Variants in CIDEB observed in about 807,000 individuals in gnomAD.
The protein encoded by CIDEB is lipid transferase CIDEB.
CIDEB carries 27 observed loss-of-function variants against 22.4 expected under a neutral mutation model. The ratio of observed to expected loss-of-function variants is 1.21; its 90% CI spans 0.89 to 1.66. The LOEUF is 1.66. Ranked by LOEUF, CIDEB falls within the 40% of genes most tolerant of loss-of-function variation. The probability of loss-of-function intolerance (pLI) is 0.00; values close to 1 mark genes in which losing one functional copy is unlikely to be tolerated. For missense variants in CIDEB, 289 were observed against 268.7 expected, an observed-to-expected ratio of 1.08 and a Z score of -0.53; for synonymous variants, 103 against 109.5, an observed-to-expected ratio of 0.94 and a Z score of 0.37.
chr14:24,305,417 G>C lies in CIDEB; in HGVS notation c.*216C>G. The C allele has an allele frequency of 3.2e-6, 2 of 622,140 alleles. No homozygotes were observed. The highest frequency in any genetic ancestry group is 5.2e-6 in the Non-Finnish European group (2 of 381,042). 38.5% of individuals were successfully genotyped at this position (622,140 alleles called of 1,614,324 possible). A position where few individuals can be genotyped will look rare whatever the true frequency, so the allele number is the denominator to read the frequency against. ...TTCAGGGCAAGTGGGAGGCCAGAAA[G>C]GTGGCTAGGAAAGAACAGCATTCTT... On this transcript the variant is annotated 3_prime_UTR_variant, in exon 5 of 5. Transcript: ENST00000554411.
chr14:24,310,485 T>G, upstream of CIDEB: 1 of 725,164 alleles, frequency 1.4e-6, no homozygotes, highest in Non-Finnish European at 2.5e-6. Flanking sequence ...CAAGAAGGAG[T>G]TGTGTTTGAG....
Position 24,307,412 on chromosome 14 carries a change from TC to T in CIDEB, c.144del (p.Gly50AlafsTer2). The T allele has an allele frequency of 1.2e-6, 2 of 1,614,016 alleles. No individual in the cohort carries two copies. Among genetic ancestry groups the T allele is most frequent in the Non-Finnish European group, 1.7e-6 (2 of 1,179,950 alleles). On this transcript the variant is annotated frameshift_variant, in exon 2 of 5. Coordinates refer to ENST00000554411, the MANE Select transcript of CIDEB (RefSeq NM_001393339.1). LOFTEE classifies it high-confidence loss of function. ...FRVCDHKRTI[R>X]KGLTAATRQE... ...TGGCGGGTGGCAGCTGTCAGGCCTT[TC>T]CGGATGGTCCGCTTGTGATCACAGA...
chr14:24,310,977 A>C, upstream of CIDEB: 3 of 1,591,024 alleles, frequency 1.9e-6, no homozygotes, highest in Non-Finnish European at 2.5e-6. Flanking sequence ...CGCGCTCAGC[A>C]TGTACGCCAG....
intron 2 of CIDEB, chr14:24,307,157 A>G (rs2041536135): frequency 6.5e-6 from 3 of 464,464 alleles, no homozygotes; most frequent in Admixed American, 3.8e-5. Context: ...AACTCTCCCT[A>G]TCTCCTGCTA....
chr14:24,311,284 G>A (rs1271722392), upstream of CIDEB: 3 of 1,590,422 alleles, frequency 1.9e-6, no homozygotes, highest in Non-Finnish European at 2.6e-6. Flanking sequence ...ACGCTGGCAC[G>A]GCTGCGGGGC....
chr14:24,305,972 C>T lies in CIDEB; in HGVS notation c.502G>A (p.Gly168Arg). 1.2e-6 allele frequency: 2 copies of T among 1,613,954 alleles called. No individual in the cohort carries two copies. Among genetic ancestry groups the T allele is most frequent in the Non-Finnish European group, 1.7e-6 (2 of 1,179,908 alleles). ...GLYSMSCDFQ[G>R]LGPKKVLREL... ...CTGAGTACTTTCTTTGGGCCAAGTCCTTGAAAGTCACAACTCATAGAGTAG... is the reference window on the plus strand; with the variant it reads ...CTGAGTACTTTCTTTGGGCCAAGTCTTTGAAAGTCACAACTCATAGAGTAG... Residue 168 changes from glycine (G) to arginine (R), a missense_variant, in exon 4 of 5, where the codon GGA (glycine) becomes AGA (arginine). Coordinates refer to ENST00000554411, the MANE Select transcript of CIDEB (RefSeq NM_001393339.1).
At chr14:24,310,683 C>G (rs749291109), upstream of CIDEB, 16 of 1,613,836 alleles carry the variant, frequency 9.9e-6, no homozygotes, top group Middle Eastern at 1.6e-4. Flanking sequence ...CTGCTACCGT[C>G]CCCCAGGGAA....
upstream of CIDEB, chr14:24,309,555 CT>C (rs1190349104): frequency 6.6e-6 from 1 of 152,198 alleles, no homozygotes; most frequent in South Asian, 2.1e-4. Context: ...TCATCCTTTC[CT>C]TTCTTGTCTT....
At chr14:24,311,249 G>A (rs746181956), upstream of CIDEB, 35 of 1,606,536 alleles carry the variant, frequency 2.2e-5, no homozygotes, top group Non-Finnish European at 2.9e-5. Flanking sequence ...TTCCTTTCGG[G>A]CTGATGCTCG....
At chr14:24,308,002 C>T, upstream of CIDEB, 3 of 743,304 alleles carry the variant, frequency 4.0e-6, no homozygotes, top group Non-Finnish European at 7.0e-6. Context: ...CTCTGGCCCC[C>T]CTGCCTGGCC....
chr14:24,311,011 G>A, upstream of CIDEB: 2 of 1,585,820 alleles, frequency 1.3e-6, no homozygotes, highest in Non-Finnish European at 1.7e-6. Flanking sequence ...GGCCTGCTCA[G>A]CCTGCAGCGC....
upstream of CIDEB, chr14:24,311,200 C>T: frequency 2.5e-6 from 4 of 1,608,630 alleles, no homozygotes; most frequent in Non-Finnish European, 1.7e-6. Context: ...GTCCACGCCG[C>T]CGCCCACCTG....
chr14:24,307,240 G>A (rs2041539706), intron 2 of CIDEB, 131 bp downstream of exon 2: 9 of 1,006,376 alleles, frequency 8.9e-6, no homozygotes, highest in East Asian at 4.9e-5. Context: ...GGCCCACTCC[G>A]CTGCTTTTAG....
chr14:24,311,192 C>T (rs35322717), upstream of CIDEB: 1 of 1,608,218 alleles, frequency 6.2e-7, no homozygotes, highest in Non-Finnish European at 8.5e-7. Flanking sequence ...CGTCGCCGGT[C>T]CACGCCGCCG....
chr14:24,307,562 T>G (rs752393735), intron 1 of CIDEB, 47 bp from the exon 2 acceptor site: 1 of 1,596,296 alleles, frequency 6.3e-7, no homozygotes, highest in Non-Finnish European at 8.6e-7. Context: ...AGGGGCTTGG[T>G]GAGTGTAAAG....
chr14:24,305,580 G>A lies in CIDEB; in HGVS notation c.*53C>T. 2 of 1,579,042 alleles carry A rather than the reference G, an allele frequency of 1.3e-6. No homozygotes were observed. Among genetic ancestry groups the A allele is most frequent in the South Asian group, 1.2e-5 (1 of 84,766 alleles). On this transcript the variant is annotated 3_prime_UTR_variant, in exon 5 of 5. Transcript: ENST00000554411. ...GGTCCTGAAATTTGATGCTGTCATA[G>A]TCTTTGCAGTGGGTCGGTTGGAATG...
At chr14:24,307,725 G>C in intron 1 of CIDEB, 93 bp downstream of exon 1, 1 of 1,380,676 alleles carries the variant, frequency 7.2e-7, no homozygotes, top group Middle Eastern at 1.8e-4. Context: ...GAGAGGAAGG[G>C]GTACTGGTTA....
upstream of CIDEB, chr14:24,311,295 G>C (rs560330749): frequency 6.3e-7 from 1 of 1,588,934 alleles, no homozygotes; most frequent in Non-Finnish European, 8.6e-7. Flanking sequence ...GCTGCGGGGC[G>C]CCCGCTGGGG....
At chr14:24,311,286 C>A, upstream of CIDEB, 1 of 1,590,218 alleles carries the variant, frequency 6.3e-7, no homozygotes. Flanking sequence ...GCTGGCACGG[C>A]TGCGGGGCGC....
Sources: gnomAD v4.1 joint callset for allele counts on GRCh38, gnomAD v4.1.1 for gene constraint, MANE v1.5 for transcripts, NCBI Gene and HGNC (gene_info 2026-07-23, HGNC 2026-07-21) for gene names.